BIRC6: variants seen among roughly 807,000 people sequenced by gnomAD.
BIRC6 encodes dual E2 ubiquitin-conjugating enzyme/E3 ubiquitin-protein ligase BIRC6.
In BIRC6, 98 loss-of-function variants were observed where a neutral mutation model predicts 503.3. That is an observed-to-expected ratio of 0.19 (90% CI 0.17 to 0.23). The LOEUF (loss-of-function observed/expected upper bound fraction) is 0.23, where lower values mean the gene tolerates loss of function less well. Ranked by LOEUF, BIRC6 falls within the 10% of genes least tolerant of loss-of-function variation. The pLI is 1.00. For missense variants in BIRC6, 5,360 were observed against 5,806.0 expected (o/e 0.92, Z 2.50); for synonymous variants, 2,240 against 2,078.7 (o/e 1.08, Z -2.11).
At chr2:32,514,643 T>C (rs1432987682) in intron 54 of BIRC6, among the ~76,000 whole-genome samples, 2 of 152,238 alleles carry the variant, frequency 1.3e-5, no homozygotes, top group African/African-American at 4.8e-5. Context: ...ATGTGGAATT[T>C]AACGTAAACA....
chr2:32,442,451 A>G lies in BIRC6; in HGVS notation c.4234A>G (p.Ile1412Val), dbSNP rs1472782987. The G allele has an allele frequency of 1.2e-6, 2 of 1,600,952 alleles. No individual in the cohort carries two copies. Residue 1412 changes from isoleucine to valine, a missense_variant, in exon 19 of 74, where the codon ATT becomes GTT. Around this residue, in one of 16 missense-constraint regions of BIRC6, gnomAD observed 2,299 missense variants for 2,267.2 expected, o/e 1.01. Coordinates refer to ENST00000421745, the MANE Select transcript of BIRC6 (RefSeq NM_016252.4). ...HKCARFLALC[I>V]SNGKCDPCQP... ...GTGTGCCCGATTTCTAGCCTTGTGC[A>G]TTAGGTTGGTATGTTTTTAAGTTGA...
At chr2:32,541,476 G>T (rs2057660102) in intron 61 of BIRC6, among the ~76,000 whole-genome samples, 1 of 151,974 alleles carries the variant, frequency 6.6e-6, no homozygotes, top group African/African-American at 2.4e-5. Flanking sequence ...AAAGAAGGAA[G>T]AAATAGTGAA....
intron 64 of BIRC6, among the ~76,000 whole-genome samples, chr2:32,548,340 TATTTATATGCATTTTGGTTGCTTAC>T (rs2058193915): frequency 6.6e-6 from 1 of 150,712 alleles, no homozygotes. Flanking sequence ...AAGTGTTATT[TATTTATATGCATTTTGGTTGCTTAC>T]TTTTTTTTTT....
chr2:32,607,975 CAAAAAAAAAAAAA>C lies in BIRC6; in HGVS notation c.14259+345_14259+357del, dbSNP rs35242178. Among the ~76,000 whole-genome samples the C allele has an allele frequency of 4.4e-4, 23 of 51,938 alleles. 1 individual carries two copies. In the Admixed American group the frequency reaches 5.7e-3, roughly 13 times the overall value. The allele number at this position is 51,938 out of a possible 152,430, so 34.1% of individuals were successfully genotyped here. A position where few individuals can be genotyped will look rare whatever the true frequency, so the allele number is the denominator to read the frequency against. ...TGACAGCAGAGCAAGACTCCATCTC[CAAAAAAAAAAAAA>C]AAAAAAAAAAAAGACATTTTAAAAT... is the stretch of plus-strand genomic sequence containing the variant. On this transcript the variant is annotated intron_variant, in intron 72 of 73. Coordinates refer to ENST00000421745, the MANE Select transcript of BIRC6 (RefSeq NM_016252.4).
At chr2:32,405,430 C>T (rs2041089765) in intron 8 of BIRC6, among the ~76,000 whole-genome samples, 1 of 152,178 alleles carries the variant, frequency 6.6e-6, no homozygotes, top group Admixed American at 6.5e-5. Context: ...CCAGCCGCCG[C>T]AAAATATTTC....
At chr2:32,398,876 T>C (rs544984062) in intron 6 of BIRC6, among the ~76,000 whole-genome samples, 5 of 152,010 alleles carry the variant, frequency 3.3e-5, no homozygotes, top group Non-Finnish European at 7.4e-5. Flanking sequence ...GTAAAAGGAT[T>C]TAGGAAAGAC....
At chr2:32,435,375 C>A in intron 13 of BIRC6, 121 bp from the exon 14 acceptor site, 2 of 1,104,772 alleles carry the variant, frequency 1.8e-6, no homozygotes, top group Non-Finnish European at 2.4e-6. Flanking sequence ...CCCAAGTTAA[C>A]AGGAAATTTT....
At chr2:32,513,226 A>T (rs983204707) in intron 54 of BIRC6, 72 bp downstream of exon 54, 1 of 1,068,694 alleles carries the variant, frequency 9.4e-7, no homozygotes, top group Non-Finnish European at 1.4e-6. Context: ...ATAAAACAAA[A>T]TATTTTACAT....
At chr2:32,498,348 G>A (rs1021107675) in intron 45 of BIRC6, among the ~76,000 whole-genome samples, 2 of 152,106 alleles carry the variant, frequency 1.3e-5, no homozygotes, top group African/African-American at 2.4e-5. Context: ...CACTGTGCCC[G>A]GCCTATAACC....
At chr2:32,389,621 A>G (rs1390118383) in intron 4 of BIRC6, among the ~76,000 whole-genome samples, 1 of 152,230 alleles carries the variant, frequency 6.6e-6, no homozygotes, top group Non-Finnish European at 1.5e-5. Flanking sequence ...AAAAAGTACC[A>G]AGGTTTAGAA....
chr2:32,605,892 A>T (rs2062416504), intron 71 of BIRC6, among the ~76,000 whole-genome samples: 1 of 152,214 alleles, frequency 6.6e-6, no homozygotes, highest in Non-Finnish European at 1.5e-5. Context: ...AAAATATGAG[A>T]TCTTTATCTC....
intron 66 of BIRC6, among the ~76,000 whole-genome samples, chr2:32,582,850 G>C (rs796583691): frequency 6.6e-6 from 1 of 152,246 alleles, no homozygotes; most frequent in African/African-American, 2.4e-5. Flanking sequence ...ATGTCTTGTA[G>C]TTCTCTTATT....
chr2:32,488,689 G>A lies in BIRC6; in HGVS notation c.8070G>A (p.Arg2690=). The change falls in exon 42 of 74, where the codon AGG becomes AGA. Residue 2690 remains arginine (R), a synonymous_variant. Transcript: ENST00000421745. ...ACATATTTTTATATAATGCTAATAG[G>A]ATACCTGTTATTTCATTAAATCAAG... ...GADIFLYNAN[R]IPVISLNQAS... The A allele has an allele frequency of 7.0e-7, 1 of 1,438,240 alleles. No individual in the cohort carries two copies. Among genetic ancestry groups the A allele is most frequent in the Admixed American group, 2.3e-5 (1 of 43,752 alleles). The allele number at this position is 1,438,240 out of a possible 1,614,324, so 89.1% of individuals were successfully genotyped here. A position where few individuals can be genotyped will look rare whatever the true frequency, so the allele number is the denominator to read the frequency against.
intron 3 of BIRC6, among the ~76,000 whole-genome samples, chr2:32,382,941 C>G (rs894753167): frequency 1.3e-5 from 2 of 151,988 alleles, no homozygotes; most frequent in Non-Finnish European, 2.9e-5. Context: ...TCAGGCTGGT[C>G]TCGAACTCCT....
At chr2:32,425,985 A>G (rs2043446560) in intron 10 of BIRC6, among the ~76,000 whole-genome samples, 1 of 152,176 alleles carries the variant, frequency 6.6e-6, no homozygotes, top group Non-Finnish European at 1.5e-5. Flanking sequence ...CTTACCAGAA[A>G]TCAGTCTCCT....
At chr2:32,594,331 A>C in intron 67 of BIRC6, 1 of 288,010 alleles carries the variant, frequency 3.5e-6, no homozygotes, top group Non-Finnish European at 6.4e-6. Flanking sequence ...AATTCATGAA[A>C]TTGAAAAAAT....
In BIRC6 at chr2:32,503,208, T is replaced by C; in HGVS notation, c.9471T>C (p.Ala3157=). 6.2e-7 allele frequency: 1 copy of C among 1,610,556 alleles called. No homozygotes were observed. Among genetic ancestry groups the C allele is most frequent in the Non-Finnish European group, 8.5e-7 (1 of 1,178,846 alleles). The change falls in exon 49 of 74, where the codon GCT becomes GCC. Residue 3157 remains alanine, a synonymous_variant. Transcript: ENST00000421745. ...TACTAGCTTCTGAGCCTGACAATGC[T>C]GAAGGGATTCATAACTTTGCACCCC... ...TRILASEPDN[A]EGIHNFAPLG...
chr2:32,449,923 A>G (rs1403901490), intron 22 of BIRC6, among the ~76,000 whole-genome samples: 2 of 152,218 alleles, frequency 1.3e-5, no homozygotes, highest in Non-Finnish European at 2.9e-5. Flanking sequence ...TTGATGACTT[A>G]GGCTCTTGAT....
chr2:32,524,870 G>C lies in BIRC6; in HGVS notation c.11624-18G>C, dbSNP rs1186943693. On this transcript the variant is annotated intron_variant, in intron 57 of 73. Coordinates refer to ENST00000421745, the MANE Select transcript of BIRC6 (RefSeq NM_016252.4). ...TGATTTGGAAAAGCAGTGTATTTTA[G>C]ATAATATCTTCTTACAGATACTCCA... The C allele has an allele frequency of 7.2e-7, 1 of 1,387,450 alleles. No homozygotes were observed. The highest frequency in any genetic ancestry group is 2.7e-5 in the East Asian group (1 of 37,526). 85.9% of individuals were successfully genotyped at this position (1,387,450 alleles called of 1,614,324 possible).
Sources: gnomAD v4.1 joint callset for allele counts (sites outside exome capture counted in the v4.1 genomes callset) on GRCh38, gnomAD v4.1.1 for gene constraint, gnomAD v4.1.1 regional missense constraint, MANE v1.5 for transcripts, NCBI Gene and HGNC (gene_info 2026-07-23, HGNC 2026-07-21) for gene names.